The following WDHD1 variants were observed in gnomAD, a reference collection of about 807,000 sequenced individuals.
The protein encoded by WDHD1 is WD repeat and HMG-box DNA binding protein 1.
In WDHD1, 111 loss-of-function variants were observed where a neutral mutation model predicts 135.4. The ratio of observed to expected loss-of-function variants is 0.82; its 90% CI spans 0.70 to 0.96. WDHD1 has a LOEUF of 0.96. Among genes scored for constraint, WDHD1 ranks in the 40% least tolerant of loss-of-function variants. WDHD1 has a pLI of 0.00. For missense variants in WDHD1, 1,351 were observed against 1,336.3 expected (o/e 1.01, Z -0.17); for synonymous variants, 434 against 439.0 (o/e 0.99, Z 0.14).
At chr14:54,982,056 G>C (rs368266703) in intron 15 of WDHD1, among the ~76,000 whole-genome samples, 3 of 151,584 alleles carry the variant, frequency 2.0e-5, no homozygotes, top group Admixed American at 6.6e-5. Context: ...ACCCAGGCTG[G>C]AGGGCAGTGG....
Position 54,966,521 on chromosome 14 carries a change from T to C in WDHD1, c.2264A>G (p.Asn755Ser), listed in dbSNP as rs1374003042. 6.2e-7 allele frequency: 1 copy of C among 1,608,400 alleles called. No individual in the cohort carries two copies. Among genetic ancestry groups the C allele is most frequent in the African/African-American group, 1.3e-5 (1 of 74,538 alleles). ...TTCCTGTTGCTCTTTTGTTGCTTGA[T>C]TTTTAGTGCTCTCTTCATATTCATA... ...NGYEYEESTK[N>S]QATKEQQELL... is the part of the protein sequence containing the mutation. The change falls in exon 18 of 26, where the codon AAT becomes AGT. Residue 755 changes from asparagine (N) to serine (S), a missense_variant. Around this residue, in one of 2 missense-constraint regions of WDHD1, gnomAD observed 1,330 missense variants for 1,296.1 expected, o/e 1.03. Transcript: ENST00000360586.
chr14:54,984,649 T>C, intron 15 of WDHD1, 74 bp downstream of exon 15: 1 of 1,226,220 alleles, frequency 8.2e-7, no homozygotes, highest in Non-Finnish European at 1.1e-6. Flanking sequence ...AATAAAACAA[T>C]GAAATAATTT....
At chr14:54,977,780 A>T (rs1395221424) in intron 16 of WDHD1, among the ~76,000 whole-genome samples, 1 of 152,152 alleles carries the variant, frequency 6.6e-6, no homozygotes, top group Non-Finnish European at 1.5e-5. Context: ...ACAGTCCATT[A>T]TTTCTTTATC....
In WDHD1 at chr14:54,981,569, A is replaced by G; in HGVS notation, c.2034T>C (p.Val678=). ...CKGKSDHYWV[V]GIHENPQQLR... ...GTTGCTGGGGATTTTCATGGATACC[A>G]ACCACCCAGTAGTGATCAGATTTTC... is the stretch of plus-strand genomic sequence containing the variant. The change falls in exon 16 of 26, where the codon GTT becomes GTC. Residue 678 remains valine (V), a synonymous_variant. Coordinates refer to ENST00000360586, the MANE Select transcript of WDHD1 (RefSeq NM_007086.4). The G allele has an allele frequency of 6.2e-7, 1 of 1,611,678 alleles. No homozygotes were observed. Among genetic ancestry groups the G allele is most frequent in the South Asian group, 1.1e-5 (1 of 90,332 alleles).
chr14:54,944,494 C>T (rs2040887849), intron 24 of WDHD1, 24 bp from the exon 25 acceptor site: 4 of 1,556,072 alleles, frequency 2.6e-6, no homozygotes, highest in Non-Finnish European at 2.6e-6. Context: ...TATGTGAAAA[C>T]ATTTTATACT....
intron 21 of WDHD1, among the ~76,000 whole-genome samples, chr14:54,959,712 G>A (rs1003876507): frequency 1.1e-4 from 16 of 151,862 alleles, no homozygotes; most frequent in African/African-American, 3.1e-4. Context: ...AGGCTGTAGC[G>A]AGCTAGGACT....
chr14:55,019,932 G>T (rs755554700), intron 2 of WDHD1, among the ~76,000 whole-genome samples: 1 of 152,182 alleles, frequency 6.6e-6, no homozygotes, highest in Non-Finnish European at 1.5e-5. Context: ...GACTTCATCA[G>T]CTTTATGACA....
chr14:54,980,739 G>A (rs1405003467), intron 16 of WDHD1, among the ~76,000 whole-genome samples: 1 of 148,192 alleles, frequency 6.7e-6, no homozygotes, highest in East Asian at 2.0e-4. Context: ...TCAAAGTGGA[G>A]GTTGTAGTGA....
At chr14:54,971,296 G>A (rs1298341738) in intron 16 of WDHD1, among the ~76,000 whole-genome samples, 1 of 152,124 alleles carries the variant, frequency 6.6e-6, no homozygotes, top group Non-Finnish European at 1.5e-5. Flanking sequence ...GAGTAAACAG[G>A]TCAGGTGCAA....
intron 24 of WDHD1, among the ~76,000 whole-genome samples, chr14:54,947,157 T>C (rs2040940794): frequency 6.6e-6 from 1 of 152,028 alleles, no homozygotes; most frequent in Admixed American, 6.6e-5. Flanking sequence ...CTGACCAACA[T>C]GGAGAAACCT....
At chr14:54,972,499 A>G (rs1435540779) in intron 16 of WDHD1, among the ~76,000 whole-genome samples, 1 of 138,184 alleles carries the variant, frequency 7.2e-6, no homozygotes, top group African/African-American at 2.7e-5. Flanking sequence ...AATCTCTTGA[A>G]CCTGGGAAAT....
At chr14:54,951,942 G>C (rs893474579) in intron 24 of WDHD1, among the ~76,000 whole-genome samples, 4 of 152,046 alleles carry the variant, frequency 2.6e-5, no homozygotes, top group African/African-American at 7.2e-5. Flanking sequence ...ATTCAACAAC[G>C]CTTCATGCTA....
At chr14:54,947,360 T>C (rs1465325296) in intron 24 of WDHD1, among the ~76,000 whole-genome samples, 1 of 152,054 alleles carries the variant, frequency 6.6e-6, no homozygotes, top group African/African-American at 2.4e-5. Context: ...AAAAAAACCA[T>C]GAGCCACTAT....
chr14:55,000,973 C>G lies in WDHD1; in HGVS notation c.713G>C (p.Trp238Ser). The G allele has an allele frequency of 6.3e-7, 1 of 1,579,458 alleles. No homozygotes were observed. The highest frequency in any genetic ancestry group is 8.6e-7 in the Non-Finnish European group (1 of 1,164,164). The change falls in exon 9 of 26, where the codon TGG (tryptophan) becomes TCG (serine). Residue 238 changes from tryptophan to serine, a missense_variant. Physicochemically the swap from Trp to Ser is radical, Grantham distance 177. This residue lies in a region of WDHD1 where 1,330 missense variants were observed against 1,296.1 expected (regional missense o/e 1.03). Coordinates refer to ENST00000360586, the MANE Select transcript of WDHD1 (RefSeq NM_007086.4). ...AGCTAAATATTGCCCACAGGGAGACCAGGTTACTATATTGAGGGTCTGTAA... is the reference window on the plus strand; with the variant it reads ...AGCTAAATATTGCCCACAGGGAGACGAGGTTACTATATTGAGGGTCTGTAA... ...FISQTLNIVT[W>S]SPCGQYLAAG...
At chr14:54,991,441 C>T (rs754634801) in intron 11 of WDHD1, 41 bp from the exon 12 acceptor site, 1 of 1,566,618 alleles carries the variant, frequency 6.4e-7, no homozygotes, top group Non-Finnish European at 8.7e-7. Flanking sequence ...TCACGAATAC[C>T]AATGATTTGG....
chr14:55,010,528 T>G lies in WDHD1; in HGVS notation c.190-68A>C, dbSNP rs1026690981. 1.1e-5 allele frequency: 15 copies of G among 1,312,890 alleles called. No individual in the cohort carries two copies. The East Asian group carries it at 3.6e-4, about 32-fold the overall frequency. 81.3% of individuals were successfully genotyped at this position (1,312,890 alleles called of 1,614,324 possible). On this transcript the variant is annotated intron_variant, in intron 3 of 25. Transcript: ENST00000360586. ...CAAATGACTGGGAGTCTCTCCATAG[T>G]TAAAAATCCGGTAAAAAACAAAAAA...
At chr14:54,983,648 G>C (rs2041653203) in intron 15 of WDHD1, among the ~76,000 whole-genome samples, 1 of 151,454 alleles carries the variant, frequency 6.6e-6, no homozygotes, top group Admixed American at 6.6e-5. Flanking sequence ...ACTCCAGCCT[G>C]GGCAACAGAG....
intron 24 of WDHD1, among the ~76,000 whole-genome samples, chr14:54,953,206 A>T (rs1022955269): frequency 6.6e-6 from 1 of 152,242 alleles, no homozygotes; most frequent in Admixed American, 6.5e-5. Context: ...GAACGGGAAA[A>T]AATTTTGCAA....
chr14:54,958,978 T>C (rs1443504824), intron 21 of WDHD1, among the ~76,000 whole-genome samples: 1 of 152,226 alleles, frequency 6.6e-6, no homozygotes, highest in Admixed American at 6.5e-5. Context: ...TAATTCATCA[T>C]CTTCCTCTCT....
Sources: gnomAD v4.1 joint callset for allele counts (sites outside exome capture counted in the v4.1 genomes callset) on GRCh38, gnomAD v4.1.1 for gene constraint, gnomAD v4.1.1 regional missense constraint, MANE v1.5 for transcripts, NCBI Gene and HGNC (gene_info 2026-07-23, HGNC 2026-07-21) for gene names.